Variants in KCNB2 observed in about 807,000 individuals in gnomAD.
KCNB2 encodes potassium voltage-gated channel subfamily B member 2.
Under a neutral mutation model 61.5 loss-of-function variants are expected in KCNB2, and 15 were observed. The ratio of observed to expected loss-of-function variants is 0.24; its 90% CI spans 0.16 to 0.38. The LOEUF is 0.38. Among genes scored for constraint, KCNB2 ranks in the 10% least tolerant of loss-of-function variants. The pLI is 1.00. For synonymous variants in KCNB2, 457 were observed against 446.0 expected (o/e 1.02, Z -0.31); for missense variants, 828 against 1,125.2 (o/e 0.74, Z 3.78).
intron 2 of KCNB2, among the ~76,000 whole-genome samples, chr8:72,814,375 T>C (rs1156776704): frequency 2.0e-5 from 3 of 152,334 alleles, no homozygotes; most frequent in East Asian, 1.9e-4. Flanking sequence ...AATTGACACG[T>C]CACTGAATAG....
At chr8:72,723,012 CCTT>C (rs1297329851) in intron 2 of KCNB2, among the ~76,000 whole-genome samples, 4 of 152,288 alleles carry the variant, frequency 2.6e-5, no homozygotes, top group Admixed American at 1.3e-4. Flanking sequence ...AGCCAACCTC[CCTT>C]CTTCTTTTGA....
intron 2 of KCNB2, among the ~76,000 whole-genome samples, chr8:72,721,230 C>T (rs542670811): frequency 6.6e-6 from 1 of 152,352 alleles, no homozygotes; most frequent in African/African-American, 2.4e-5. Context: ...ATTGCTATGA[C>T]ACACGTTTCT....
At chr8:72,758,311 T>G (rs1023567104) in intron 2 of KCNB2, among the ~76,000 whole-genome samples, 1 of 152,136 alleles carries the variant, frequency 6.6e-6, no homozygotes, top group Non-Finnish European at 1.5e-5. Flanking sequence ...ATTGTCTCCA[T>G]TTGCACTTGG....
chr8:72,677,179 A>C (rs936132672), intron 2 of KCNB2, among the ~76,000 whole-genome samples: 2 of 152,232 alleles, frequency 1.3e-5, no homozygotes, highest in African/African-American at 4.8e-5. Flanking sequence ...GGAAGCTAGG[A>C]GACAGGCCTG....
chr8:72,739,387 C>T (rs755671296), intron 2 of KCNB2, among the ~76,000 whole-genome samples: 1 of 151,772 alleles, frequency 6.6e-6, no homozygotes, highest in Non-Finnish European at 1.5e-5. Context: ...GGGAATTAGA[C>T]GAGTAGAGAA....
At chr8:72,725,591 GTATATATA>G (rs60157669) in intron 2 of KCNB2, among the ~76,000 whole-genome samples, 9 of 51,952 alleles carry the variant, frequency 1.7e-4, no homozygotes, top group South Asian at 1.1e-3. Flanking sequence ...ATATATGTAT[GTATATATA>G]TATATATATA....
At chr8:72,727,567 C>G (rs1186579782) in intron 2 of KCNB2, among the ~76,000 whole-genome samples, 7 of 152,156 alleles carry the variant, frequency 4.6e-5, no homozygotes, top group Non-Finnish European at 1.0e-4. Flanking sequence ...TAGATAAAGT[C>G]TTTATACCTT....
chr8:72,716,819 C>G (rs1417974048), intron 2 of KCNB2, among the ~76,000 whole-genome samples: 1 of 151,990 alleles, frequency 6.6e-6, no homozygotes, highest in East Asian at 1.9e-4. Context: ...CCAGGGCAAT[C>G]AGGCAGGAGA....
At chr8:72,852,893 A>C (rs761683557) in intron 2 of KCNB2, among the ~76,000 whole-genome samples, 7 of 152,236 alleles carry the variant, frequency 4.6e-5, no homozygotes, top group Non-Finnish European at 8.8e-5. Context: ...AATACAATGT[A>C]ATCAGTAGCA....
chr8:72,718,573 C>G (rs1807488433), intron 2 of KCNB2, among the ~76,000 whole-genome samples: 1 of 149,748 alleles, frequency 6.7e-6, no homozygotes, highest in Non-Finnish European at 1.5e-5. Context: ...GACAAAAAAC[C>G]AAACACCGCA....
intron 2 of KCNB2, among the ~76,000 whole-genome samples, chr8:72,777,510 C>G (rs1386552698): frequency 6.6e-6 from 1 of 152,170 alleles, no homozygotes; most frequent in East Asian, 1.9e-4. Context: ...AAAAATCACT[C>G]TCATTTGGTC....
chr8:72,618,599 CATT>C (rs1464404085), intron 2 of KCNB2: 1 of 152,816 alleles, frequency 6.5e-6, no homozygotes, highest in African/African-American at 2.4e-5. Flanking sequence ...TCAATTATGA[CATT>C]ATTATCTCTT....
intron 2 of KCNB2, among the ~76,000 whole-genome samples, chr8:72,624,653 T>C (rs1036124458): frequency 2.0e-5 from 3 of 152,224 alleles, no homozygotes; most frequent in African/African-American, 7.2e-5. Flanking sequence ...ATTTGTTTGG[T>C]CAACACATCA....
At chr8:72,797,149 A>G (rs1809045154) in intron 2 of KCNB2, among the ~76,000 whole-genome samples, 1 of 152,228 alleles carries the variant, frequency 6.6e-6, no homozygotes, top group African/African-American at 2.4e-5. Context: ...TTTATGATTC[A>G]GGTGATGCTG....
intron 2 of KCNB2, among the ~76,000 whole-genome samples, chr8:72,770,803 A>G (rs1481967365): frequency 6.6e-6 from 1 of 152,258 alleles, no homozygotes; most frequent in Non-Finnish European, 1.5e-5. Context: ...AGAAATCAAT[A>G]TAGATGCAGT....
chr8:72,634,188 A>T (rs913013792), intron 2 of KCNB2, among the ~76,000 whole-genome samples: 1 of 152,192 alleles, frequency 6.6e-6, no homozygotes, highest in Non-Finnish European at 1.5e-5. Flanking sequence ...ATATAGTTGC[A>T]TTTTGTAAAT....
At chr8:72,701,832 A>G (rs1000577234) in intron 2 of KCNB2, among the ~76,000 whole-genome samples, 4 of 152,202 alleles carry the variant, frequency 2.6e-5, no homozygotes, top group African/African-American at 9.6e-5. Flanking sequence ...ACCATTTAAA[A>G]TTATATGGAC....
chr8:72,714,524 G>T (rs1230963317), intron 2 of KCNB2, among the ~76,000 whole-genome samples: 10 of 146,510 alleles, frequency 6.8e-5, no homozygotes, highest in African/African-American at 2.6e-4. Flanking sequence ...TTAAAGAAAA[G>T]AATTTTCAAC....
At chr8:72,628,587 C>T (rs1432553988) in intron 2 of KCNB2, among the ~76,000 whole-genome samples, 2 of 152,142 alleles carry the variant, frequency 1.3e-5, no homozygotes, top group African/African-American at 4.8e-5. Context: ...TAGAGGATAG[C>T]TCCAAGGAAT....
Sources: allele counts gnomAD v4.1 joint callset (sites outside exome capture counted in the v4.1 genomes callset), GRCh38; gene constraint gnomAD v4.1.1; transcripts MANE v1.5; gene names NCBI Gene and HGNC (gene_info 2026-07-23, HGNC 2026-07-21).